The following TARS3 variants were observed in gnomAD, a reference collection of about 807,000 sequenced individuals.
TARS3 encodes the protein threonyl-tRNA synthetase 3.
In TARS3, 94 loss-of-function variants were observed where a neutral mutation model predicts 103.5. The ratio of observed to expected loss-of-function variants is 0.91; its 90% confidence interval spans 0.77 to 1.08. The LOEUF (loss-of-function observed/expected upper bound fraction) is 1.08. TARS3 is among the 50% of genes least tolerant of loss of function. The pLI is 0.00. For missense variants in TARS3, 952 were observed against 995.2 expected (o/e 0.96, Z 0.58); for synonymous variants, 416 against 355.4 (o/e 1.17, Z -1.92).
intron 10 of TARS3, among the ~76,000 whole-genome samples, chr15:101,700,261 A>G (rs1899194265): frequency 6.6e-6 from 1 of 152,238 alleles, no homozygotes; most frequent in African/African-American, 2.4e-5. Flanking sequence ...CACAGTCCTT[A>G]TCATGTAAAT....
In TARS3 at chr15:101,654,436, T is replaced by C; in HGVS notation, c.*146A>G. On this transcript the variant is annotated 3_prime_UTR_variant, in exon 19 of 19. Coordinates refer to ENST00000335968, the MANE Select transcript of TARS3 (RefSeq NM_152334.3). ...TAAATTAAACTTCGTGCATGTCAGC[T>C]ACACGTTCATCGTCTCCTTTCTCAG... The C allele has an allele frequency of 1.2e-6, 1 of 818,052 alleles. No individual in the cohort carries two copies. The highest frequency in any genetic ancestry group is 1.8e-6 in the Non-Finnish European group (1 of 543,230). The allele number at this position is 818,052 out of a possible 1,614,324, so 50.7% of individuals were successfully genotyped here.
Position 101,703,938 on chromosome 15 carries a change from C to T in TARS3, c.996-1G>A. The stretch of plus-strand genomic sequence containing the variant: ...GCAAAGGTCAATTAATGGACCGCAC[C>T]TATAATGAAATATTTAGGACATGCT... On this transcript the variant is annotated splice_acceptor_variant, in intron 7 of 18. Coordinates refer to ENST00000335968, the MANE Select transcript of TARS3 (RefSeq NM_152334.3). LOFTEE classifies it high-confidence loss of function. 2 of 1,608,992 alleles carry T rather than the reference C, an allele frequency of 1.2e-6. No individual in the cohort carries two copies. The highest frequency in any genetic ancestry group is 1.7e-6 in the Non-Finnish European group (2 of 1,175,766).
chr15:101,667,027 A>C (rs1897605781), intron 15 of TARS3, among the ~76,000 whole-genome samples: 1 of 152,224 alleles, frequency 6.6e-6, no homozygotes, highest in African/African-American at 2.4e-5. Context: ...TGTTGTGTTA[A>C]TAGGCATGAG....
intron 10 of TARS3, 57 bp from the exon 11 acceptor site, chr15:101,686,119 C>A: frequency 7.0e-7 from 1 of 1,435,280 alleles, no homozygotes; most frequent in South Asian, 1.4e-5. Context: ...CAATTCCATG[C>A]AAAGTAACAC....
chr15:101,676,030 G>C (rs570671156), intron 12 of TARS3, among the ~76,000 whole-genome samples: 1 of 152,304 alleles, frequency 6.6e-6, no homozygotes, highest in Admixed American at 6.5e-5. Flanking sequence ...CTGCAGCAGG[G>C]GACAAGCAAA....
chr15:101,702,194 G>A (rs1349399620), intron 9 of TARS3, 45 bp downstream of exon 9: 6 of 1,600,580 alleles, frequency 3.7e-6, no homozygotes, highest in Non-Finnish European at 4.3e-6. Flanking sequence ...ACATTCCTAT[G>A]TTGGCTTATG....
Position 101,724,442 on chromosome 15 carries a change from G to A in TARS3, c.-55C>T. 5 of 1,355,214 alleles carry A rather than the reference G, an allele frequency of 3.7e-6. No individual in the cohort carries two copies. Among genetic ancestry groups the A allele is most frequent in the Non-Finnish European group, 4.7e-6 (5 of 1,061,228 alleles). The allele number at this position is 1,355,214 out of a possible 1,614,324, so 83.9% of individuals were successfully genotyped here. ...CGGGGTGCCCGCGACTGCGGCGAGG[G>A]CGACGCGGACACTCAGCGCACGGCA... is the stretch of plus-strand genomic sequence containing the variant. On this transcript the variant is annotated 5_prime_UTR_variant, in exon 1 of 19. Transcript: ENST00000335968.
intron 10 of TARS3, among the ~76,000 whole-genome samples, chr15:101,691,141 G>T (rs1407278592): frequency 6.6e-6 from 1 of 151,400 alleles, no homozygotes; most frequent in Non-Finnish European, 1.5e-5. Context: ...GGGTTTCACC[G>T]TATTAGCCAG....
intron 3 of TARS3, among the ~76,000 whole-genome samples, chr15:101,720,537 T>C (rs955684416): frequency 1.3e-5 from 2 of 152,220 alleles, no homozygotes; most frequent in African/African-American, 4.8e-5. Flanking sequence ...TTTTCTCTCC[T>C]ATATATTTTT....
chr15:101,688,350 C>T (rs141703916), intron 10 of TARS3, among the ~76,000 whole-genome samples: 6 of 152,250 alleles, frequency 3.9e-5, no homozygotes, highest in African/African-American at 1.4e-4. Flanking sequence ...TAATTTCTTT[C>T]TCTAATGCTG....
Position 101,713,782 on chromosome 15 carries a change from C to T in TARS3, c.690+1058G>A, listed in dbSNP as rs116998742. 3.3e-5 allele frequency among the ~76,000 whole-genome samples: 5 copies of T among 152,288 alleles called. No individual in the cohort carries two copies. The East Asian group carries it at 9.6e-4, about 29-fold the overall frequency. On this transcript the variant is annotated intron_variant, in intron 4 of 18. Coordinates refer to ENST00000335968, the MANE Select transcript of TARS3 (RefSeq NM_152334.3). ...GTACAATATCTACATGCAGATATCACGTAGACAGTAGTGCATAAAAACTGA... is the reference window on the plus strand; with the variant it reads ...GTACAATATCTACATGCAGATATCATGTAGACAGTAGTGCATAAAAACTGA...
At position 101,675,470 on chromosome 15, in the gene TARS3, A is replaced by G. The variant is rs1314935164; in HGVS notation, c.1788+130T>C. Reference sequence around the variant, plus strand: ...GGGATAACCACATTCTACAACCTATATATCTATCTCATAATTTCCAGGTTC... The same window carrying G: ...GGGATAACCACATTCTACAACCTATGTATCTATCTCATAATTTCCAGGTTC... On this transcript the variant is annotated intron_variant, in intron 13 of 18. Coordinates refer to ENST00000335968, the MANE Select transcript of TARS3 (RefSeq NM_152334.3). The G allele has an allele frequency of 3.7e-6, 3 of 800,122 alleles. No individual in the cohort carries two copies. In the African/African-American group the frequency reaches 5.1e-5, roughly 14 times the overall value. The allele number at this position is 800,122 out of a possible 1,614,324, so 49.6% of individuals were successfully genotyped here.
chr15:101,666,035 T>C (rs1037536445), intron 15 of TARS3, among the ~76,000 whole-genome samples: 2 of 152,198 alleles, frequency 1.3e-5, no homozygotes, highest in Admixed American at 6.5e-5. Flanking sequence ...CACTGAATCA[T>C]TGGAGCAGTA....
intron 12 of TARS3, among the ~76,000 whole-genome samples, chr15:101,678,391 CTT>C (rs1332802576): frequency 2.6e-5 from 4 of 152,118 alleles, no homozygotes; most frequent in East Asian, 3.8e-4. Context: ...CTTGTTCTCT[CTT>C]GTTATTCATT....
chr15:101,720,843 GT>G (rs1596332909), intron 3 of TARS3, among the ~76,000 whole-genome samples: 2 of 152,180 alleles, frequency 1.3e-5, no homozygotes, highest in Admixed American at 6.5e-5. Flanking sequence ...TTTATAAGGG[GT>G]TTTCCCCCCA....
intron 10 of TARS3, among the ~76,000 whole-genome samples, chr15:101,687,880 A>C (rs1898542888): frequency 6.6e-6 from 1 of 152,114 alleles, no homozygotes; most frequent in Admixed American, 6.5e-5. Context: ...TGAGGTTACA[A>C]GAAGTCAGCA....
At chr15:101,716,217 A>G (rs908703798) in intron 3 of TARS3, among the ~76,000 whole-genome samples, 1 of 152,126 alleles carries the variant, frequency 6.6e-6, no homozygotes, top group Non-Finnish European at 1.5e-5. Flanking sequence ...GGGTTTCACC[A>G]TATTGGCCAG....
chr15:101,721,143 T>C lies in TARS3; in HGVS notation c.549A>G (p.Gln183=). ...QGEVWKTTPY[Q]VAAEISQELA... ...CGGTTTACCTAATTTCAGCAGCCAC[T>C]TGGTAAGGCGTTGTTTTCCAGACTT... Residue 183 remains glutamine, a synonymous_variant, in exon 3 of 19, where the codon CAA becomes CAG. Coordinates refer to ENST00000335968, the MANE Select transcript of TARS3 (RefSeq NM_152334.3). 3.8e-6 allele frequency: 6 copies of C among 1,595,934 alleles called. No individual in the cohort carries two copies. The highest frequency in any genetic ancestry group is 5.2e-6 in the Non-Finnish European group (6 of 1,164,884).
intron 3 of TARS3, among the ~76,000 whole-genome samples, chr15:101,718,596 C>T (rs1424769751): frequency 6.6e-6 from 1 of 152,042 alleles, no homozygotes; most frequent in Non-Finnish European, 1.5e-5. Flanking sequence ...TCTCAAAGGC[C>T]ACACATAAAT....
Sources: gnomAD v4.1 joint callset for allele counts (sites outside exome capture counted in the v4.1 genomes callset) on GRCh38, gnomAD v4.1.1 for gene constraint, MANE v1.5 for transcripts, NCBI Gene and HGNC (gene_info 2026-07-23, HGNC 2026-07-21) for gene names.